Variants in PTGFR observed in about 807,000 individuals in gnomAD.
PTGFR encodes the protein prostaglandin F2-alpha receptor.
Under a neutral mutation model 26.2 loss-of-function variants are expected in PTGFR, and 15 were observed. That is an observed-to-expected ratio of 0.57 (90% CI 0.38 to 0.88). The LOEUF is 0.88. Among genes scored for constraint, PTGFR ranks in the 40% least tolerant of loss-of-function variants. The pLI is 0.00. For synonymous variants in PTGFR, 165 were observed against 151.1 expected, an observed-to-expected ratio of 1.09 and a Z score of -0.68; for missense variants, 369 against 427.2, an observed-to-expected ratio of 0.86 and a Z score of 1.20.
intron 2 of PTGFR, chr1:78,497,961 A>T (rs774959790): frequency 1.3e-6 from 2 of 1,540,368 alleles, no homozygotes; most frequent in Non-Finnish European, 1.8e-6. Flanking sequence ...TTACCCAAGA[A>T]ATGTGTTCTC....
At chr1:78,502,876 A>G (rs1316893080) in intron 2 of PTGFR, among the ~76,000 whole-genome samples, 1 of 152,178 alleles carries the variant, frequency 6.6e-6, no homozygotes, top group Non-Finnish European at 1.5e-5. Flanking sequence ...AGAGATATGC[A>G]GGAAACTGAA....
At chr1:78,515,618 C>G (rs1376991580) in intron 2 of PTGFR, among the ~76,000 whole-genome samples, 1 of 152,148 alleles carries the variant, frequency 6.6e-6, no homozygotes, top group Non-Finnish European at 1.5e-5. Context: ...TCTGGACATT[C>G]TTTGTCTTTA....
rs1650759547 is a variant in PTGFR at position 78,540,140 on chromosome 1, A to G, written c.*3453A>G. The stretch of plus-strand genomic sequence containing the variant: ...GTAATCACTCAGAGAACTCAGGTGA[A>G]AAAACAGCCACCATTATATGTGGCT... On this transcript the variant is annotated 3_prime_UTR_variant, in exon 3 of 3. Coordinates refer to ENST00000370757, the MANE Select transcript of PTGFR (RefSeq NM_000959.4). Among the ~76,000 whole-genome samples, 1 of 152,084 alleles carries G rather than the reference A, an allele frequency of 6.6e-6. No individual in the cohort carries two copies.
chr1:78,509,737 G>A (rs1305237413), intron 2 of PTGFR, among the ~76,000 whole-genome samples: 1 of 152,156 alleles, frequency 6.6e-6, no homozygotes, highest in Non-Finnish European at 1.5e-5. Flanking sequence ...AATTTAGATG[G>A]TCTGTATAAA....
At chr1:78,530,831 T>C (rs188632758) in intron 2 of PTGFR, among the ~76,000 whole-genome samples, 7 of 152,296 alleles carry the variant, frequency 4.6e-5, no homozygotes, top group Admixed American at 3.9e-4. Flanking sequence ...CCAGATAGAC[T>C]TGGGCTGAAA....
chr1:78,491,907 G>A (rs1204813157), intron 1 of PTGFR, among the ~76,000 whole-genome samples: 1 of 152,210 alleles, frequency 6.6e-6, no homozygotes, highest in Non-Finnish European at 1.5e-5. Context: ...CCTAGGGAAA[G>A]AGTGACAAGC....
chr1:78,536,364 A>G (rs748638275), intron 2 of PTGFR, 42 bp from the exon 3 acceptor site: 19 of 1,556,158 alleles, frequency 1.2e-5, no homozygotes, highest in Admixed American at 2.0e-5. Context: ...ATAGGATTGA[A>G]AAGGCTGCAT....
chr1:78,494,709 A>T (rs957177973), intron 2 of PTGFR, among the ~76,000 whole-genome samples: 5 of 152,124 alleles, frequency 3.3e-5, no homozygotes, highest in Non-Finnish European at 5.9e-5. Flanking sequence ...AGGTTCAAGC[A>T]ATTCTCTTGC....
At chr1:78,493,674 T>C (rs1649473708) in intron 2 of PTGFR, 133 bp downstream of exon 2, 1 of 866,154 alleles carries the variant, frequency 1.2e-6, no homozygotes, top group African/African-American at 1.7e-5. Context: ...CAGCTCTGGC[T>C]TAGAATTACA....
intron 2 of PTGFR, among the ~76,000 whole-genome samples, chr1:78,515,583 G>C (rs1051371695): frequency 6.6e-6 from 1 of 152,076 alleles, no homozygotes; most frequent in Non-Finnish European, 1.5e-5. Flanking sequence ...TCAAATCTGA[G>C]TTTTTTTATT....
intron 2 of PTGFR, among the ~76,000 whole-genome samples, chr1:78,524,778 C>A (rs1650328041): frequency 6.6e-6 from 1 of 151,956 alleles, no homozygotes; most frequent in Non-Finnish European, 1.5e-5. Context: ...AATTAGACTA[C>A]ACAATTTTTA....
At chr1:78,525,556 G>T (rs1570294108) in intron 2 of PTGFR, among the ~76,000 whole-genome samples, 1 of 151,860 alleles carries the variant, frequency 6.6e-6, no homozygotes, top group African/African-American at 2.4e-5. Flanking sequence ...CTGAATTGTG[G>T]GAATCTAGGG....
At chr1:78,505,124 T>C (rs986502631) in intron 2 of PTGFR, among the ~76,000 whole-genome samples, 1 of 149,160 alleles carries the variant, frequency 6.7e-6, no homozygotes, top group Non-Finnish European at 1.5e-5. Flanking sequence ...TTCTAACTTT[T>C]TTTTTTTTTT....
chr1:78,492,451 C>T (rs1318165710), intron 1 of PTGFR, among the ~76,000 whole-genome samples: 1 of 152,104 alleles, frequency 6.6e-6, no homozygotes, highest in African/African-American at 2.4e-5. Flanking sequence ...TGCAGAGGGG[C>T]CACAGAAGTT....
chr1:78,503,560 G>A (rs149624857), intron 2 of PTGFR, among the ~76,000 whole-genome samples: 5 of 152,294 alleles, frequency 3.3e-5, no homozygotes, highest in African/African-American at 1.2e-4. Flanking sequence ...GGAGGGTAAA[G>A]GATAGAGACA....
chr1:78,503,178 A>C lies in PTGFR; in HGVS notation c.798+9637A>C, dbSNP rs187768137. ...ACAGGATTAGAATACAGCAGGTTAT[A>C]ATAAGTTAATATTAAATTAAAATTT... On this transcript the variant is annotated intron_variant, in intron 2 of 2. Transcript: ENST00000370757. Among the ~76,000 whole-genome samples the C allele has an allele frequency of 1.7e-3, 255 of 152,270 alleles. 2 individuals carry two copies. The highest frequency in any genetic ancestry group is 2.9e-3 in the Non-Finnish European group (196 of 67,996).
intron 2 of PTGFR, among the ~76,000 whole-genome samples, chr1:78,508,603 C>T (rs1264046984): frequency 6.6e-6 from 1 of 152,110 alleles, no homozygotes; most frequent in East Asian, 1.9e-4. Flanking sequence ...TCTCCCCTGA[C>T]TTCTATCTCT....
At chr1:78,523,171 A>T (rs1039263973) in intron 2 of PTGFR, among the ~76,000 whole-genome samples, 2 of 152,088 alleles carry the variant, frequency 1.3e-5, no homozygotes, top group Non-Finnish European at 2.9e-5. Flanking sequence ...AACTACACTG[A>T]GATGAACAAC....
chr1:78,537,475 A>G lies in PTGFR; in HGVS notation c.*788A>G, dbSNP rs1238105728. 1 of 152,160 alleles carries G rather than the reference A, an allele frequency of 6.6e-6. No homozygotes were observed. 9.4% of individuals were successfully genotyped at this position (152,160 alleles called of 1,614,324 possible). On this transcript the variant is annotated 3_prime_UTR_variant, in exon 3 of 3. Transcript: ENST00000370757. Reference sequence around the variant, plus strand: ...TTTCTCAGCACATTGATGGGCAACTAGAATTACAGCAGTTTCAAAACTCTA... The same window carrying G: ...TTTCTCAGCACATTGATGGGCAACTGGAATTACAGCAGTTTCAAAACTCTA...
Sources: allele counts gnomAD v4.1 joint callset (sites outside exome capture counted in the v4.1 genomes callset), GRCh38; gene constraint gnomAD v4.1.1; transcripts MANE v1.5; gene names NCBI Gene and HGNC (gene_info 2026-07-23, HGNC 2026-07-21).